The following NBEA variants were observed in gnomAD, a reference collection of about 807,000 sequenced individuals.
NBEA encodes the protein lysosomal-trafficking regulator 2.
A neutral mutation model predicts 343.4 loss-of-function variants in NBEA; 44 were observed. The observed-to-expected ratio is 0.13, with a 90% CI of 0.10 to 0.16. NBEA has a LOEUF of 0.16. Among genes scored for constraint, NBEA ranks in the 10% least tolerant of loss-of-function variants. The probability of loss-of-function intolerance (pLI) is 1.00; values close to 1 mark genes in which losing one functional copy is unlikely to be tolerated. For synonymous variants in NBEA, 1,175 were observed against 1,238.7 expected (o/e 0.95, Z 1.08); for missense variants, 2,555 against 3,631.3 (o/e 0.70, Z 7.62).
intron 10 of NBEA, among the ~76,000 whole-genome samples, chr13:35,075,549 A>G (rs1444379491): frequency 6.6e-6 from 1 of 152,086 alleles, no homozygotes; most frequent in Non-Finnish European, 1.5e-5. Context: ...GTAAGAAATA[A>G]AAGTGTTTAG....
intron 45 of NBEA, among the ~76,000 whole-genome samples, chr13:35,576,152 T>C (rs1178963581): frequency 2.6e-5 from 4 of 151,844 alleles, no homozygotes; most frequent in Non-Finnish European, 5.9e-5. Flanking sequence ...TGTCTCACTT[T>C]GTCACCCAGG....
At chr13:35,361,593 G>C (rs898711264) in intron 38 of NBEA, among the ~76,000 whole-genome samples, 1 of 152,002 alleles carries the variant, frequency 6.6e-6, no homozygotes, top group Non-Finnish European at 1.5e-5. Flanking sequence ...ACTTCTAGGA[G>C]AAAACATAGG....
chr13:35,342,716 A>G (rs1279989906), intron 36 of NBEA, among the ~76,000 whole-genome samples: 3 of 152,050 alleles, frequency 2.0e-5, no homozygotes, highest in Non-Finnish European at 4.4e-5. Context: ...ATACTTATTT[A>G]AGTTAACTAT....
At chr13:34,969,202 G>A (rs1322515105) in intron 1 of NBEA, among the ~76,000 whole-genome samples, 4 of 151,836 alleles carry the variant, frequency 2.6e-5, no homozygotes, top group Admixed American at 2.0e-4. Context: ...GACTTAATGG[G>A]CCTGTGACTA....
chr13:35,078,244 A>G (rs775368169), intron 10 of NBEA, among the ~76,000 whole-genome samples: 4 of 152,206 alleles, frequency 2.6e-5, no homozygotes, highest in Non-Finnish European at 4.4e-5. Context: ...TAATCAGCAC[A>G]GAGAAACCTA....
At chr13:35,475,561 G>A (rs2075828332) in intron 41 of NBEA, 2 of 1,613,286 alleles carry the variant, frequency 1.2e-6, no homozygotes, top group African/African-American at 1.3e-5. Flanking sequence ...TCCCGGCCAG[G>A]GGATGTGGGG....
intron 38 of NBEA, among the ~76,000 whole-genome samples, chr13:35,355,290 G>C (rs974272384): frequency 4.6e-5 from 7 of 151,994 alleles, no homozygotes; most frequent in African/African-American, 1.7e-4. Context: ...TCCTCCTAAA[G>C]TCCATTCTCA....
chr13:34,979,737 C>T (rs1385101026), intron 1 of NBEA, among the ~76,000 whole-genome samples: 1 of 152,042 alleles, frequency 6.6e-6, no homozygotes, highest in Non-Finnish European at 1.5e-5. Context: ...GAATTTAATT[C>T]ATCAACTATT....
Position 35,208,863 on chromosome 13 carries a change from CT to C in NBEA, c.5521+11del. 6.6e-7 allele frequency: 1 copy of C among 1,512,028 alleles called. No individual in the cohort carries two copies. The highest frequency in any genetic ancestry group is 1.3e-5 in the South Asian group (1 of 77,308). The allele number at this position is 1,512,028 out of a possible 1,614,324, so 93.7% of individuals were successfully genotyped here. Reference sequence around the variant, plus strand: ...TATGATTAATACAACAGGTATTGTACTTACATATTTTTGTGATACTCATCTT... The same window carrying C: ...TATGATTAATACAACAGGTATTGTACTACATATTTTTGTGATACTCATCTT... On this transcript the variant is annotated intron_variant, in intron 32 of 58. Coordinates refer to ENST00000379939, the MANE Select transcript of NBEA (RefSeq NM_001385012.1).
rs143553010 is a variant in NBEA, at chr13:35,475,533, C to A, written c.6585+2997C>A. The stretch of plus-strand genomic sequence containing the variant: ...AGAGATTGAAACCTTCCGCCTTGAC[C>A]TCCGCCACCCGGTTGGGTCCCGGCC... On this transcript the variant is annotated intron_variant, in intron 41 of 58. Coordinates refer to ENST00000379939, the MANE Select transcript of NBEA (RefSeq NM_001385012.1). 1.2e-6 allele frequency: 2 copies of A among 1,613,090 alleles called. No individual in the cohort carries two copies. The highest frequency in any genetic ancestry group is 2.2e-5 in the South Asian group (2 of 91,052).
At chr13:35,060,516 A>G (rs548116896) in intron 8 of NBEA, among the ~76,000 whole-genome samples, 30 of 151,922 alleles carry the variant, frequency 2.0e-4, no homozygotes, top group African/African-American at 7.0e-4. Flanking sequence ...AGAACTTTTA[A>G]GAGATATACT....
chr13:35,329,703 G>C (rs2038802858), intron 36 of NBEA, among the ~76,000 whole-genome samples: 1 of 151,940 alleles, frequency 6.6e-6, no homozygotes, highest in Non-Finnish European at 1.5e-5. Context: ...GGTAACAAAA[G>C]AACATTTTGG....
intron 38 of NBEA, among the ~76,000 whole-genome samples, chr13:35,416,007 G>T (rs2043884018): frequency 6.6e-6 from 1 of 152,172 alleles, no homozygotes; most frequent in African/African-American, 2.4e-5. Flanking sequence ...TTGTGAATGG[G>T]AGTTCACTCA....
intron 1 of NBEA, among the ~76,000 whole-genome samples, chr13:34,977,148 C>A (rs1400423776): frequency 6.6e-6 from 1 of 152,024 alleles, no homozygotes; most frequent in Non-Finnish European, 1.5e-5. Context: ...TCTTGTTGGT[C>A]AGGCTGGTCT....
At chr13:35,306,002 A>C (rs1183396286) in intron 35 of NBEA, among the ~76,000 whole-genome samples, 2 of 152,172 alleles carry the variant, frequency 1.3e-5, no homozygotes, top group African/African-American at 2.4e-5. Flanking sequence ...TTCAACTTAA[A>C]GTTACTTTAA....
chr13:35,209,438 C>T (rs910095320), intron 32 of NBEA, among the ~76,000 whole-genome samples: 2 of 151,958 alleles, frequency 1.3e-5, no homozygotes, highest in African/African-American at 4.8e-5. Flanking sequence ...CAACAAATTC[C>T]TAATGAATCT....
chr13:35,570,484 G>A (rs1020819665), intron 45 of NBEA, among the ~76,000 whole-genome samples: 3 of 152,230 alleles, frequency 2.0e-5, no homozygotes, highest in Non-Finnish European at 4.4e-5. Context: ...TAGGCAATGT[G>A]ACTACAAACT....
intron 34 of NBEA, among the ~76,000 whole-genome samples, chr13:35,261,498 G>A (rs1464710114): frequency 2.0e-5 from 3 of 152,042 alleles, no homozygotes; most frequent in African/African-American, 7.2e-5. Flanking sequence ...GCAACAGAGC[G>A]AGACTCCATC....
intron 1 of NBEA, among the ~76,000 whole-genome samples, chr13:34,960,363 TAAA>T (rs1315604350): frequency 1.3e-5 from 2 of 152,090 alleles, no homozygotes; most frequent in East Asian, 1.9e-4. Flanking sequence ...GTTTATAAAG[TAAA>T]AAAGTTTATA....
Sources: allele counts gnomAD v4.1 joint callset (sites outside exome capture counted in the v4.1 genomes callset), GRCh38; gene constraint gnomAD v4.1.1; transcripts MANE v1.5; gene names NCBI Gene and HGNC (gene_info 2026-07-23, HGNC 2026-07-21).